Variants in RTF1 observed in about 807,000 individuals in gnomAD.
RTF1 encodes RNA polymerase-associated protein RTF1 homolog.
In RTF1, 10 loss-of-function variants were observed where a neutral mutation model predicts 95.7. The ratio of observed to expected loss-of-function variants is 0.10; its 90% CI spans 0.06 to 0.18. The LOEUF is 0.18. RTF1 is among the 10% of genes least tolerant of loss of function. RTF1 has a pLI of 1.00. For synonymous variants in RTF1, 305 were observed against 311.8 expected (o/e 0.98, Z 0.23); for missense variants, 458 against 875.6 (o/e 0.52, Z 6.02).
At chr15:41,429,118 G>T (rs1026149186) in intron 1 of RTF1, among the ~76,000 whole-genome samples, 4 of 151,720 alleles carry the variant, frequency 2.6e-5, no homozygotes, top group African/African-American at 9.7e-5. Context: ...TGGGCTCAAG[G>T]GATCCTTCCT....
At chr15:41,456,131 G>A (rs995057690) in intron 3 of RTF1, among the ~76,000 whole-genome samples, 4 of 150,812 alleles carry the variant, frequency 2.7e-5, no homozygotes, top group Admixed American at 6.7e-5. Context: ...GCTTGAACCC[G>A]AGAGGTAGAG....
chr15:41,452,727 C>G (rs1459734984), intron 2 of RTF1, among the ~76,000 whole-genome samples, 174 bp from the exon 3 acceptor site: 1 of 151,704 alleles, frequency 6.6e-6, no homozygotes, highest in African/African-American at 2.4e-5. Flanking sequence ...GAATGAGACC[C>G]TGTTTCAAAA....
Position 41,480,627 on chromosome 15 carries a change from T to C in RTF1, c.2073T>C (p.Asp691=). 1.9e-6 allele frequency: 3 copies of C among 1,611,942 alleles called. No homozygotes were observed. The highest frequency in any genetic ancestry group is 2.5e-6 in the Non-Finnish European group (3 of 1,178,982). The change falls in exon 18 of 18, where the codon GAT becomes GAC. Residue 691 remains aspartate (D), a synonymous_variant. Coordinates refer to ENST00000389629, the MANE Select transcript of RTF1 (RefSeq NM_015138.5). ...AITSKAPPAK[D]GAPRRSLNLE... ...CCTCCAAGGCTCCGCCAGCCAAGGA[T>C]GGGGCTCCAAGGAGATCTCTGAACT...
chr15:41,452,794 T>C (rs2050795372), intron 2 of RTF1, 107 bp from the exon 3 acceptor site: 1 of 886,692 alleles, frequency 1.1e-6, no homozygotes. Flanking sequence ...GTATTTGTTT[T>C]GGATTCAAAG....
chr15:41,467,895 TG>T (rs2050888547), intron 6 of RTF1, among the ~76,000 whole-genome samples: 2 of 152,044 alleles, frequency 1.3e-5, no homozygotes, highest in South Asian at 4.1e-4. Context: ...CCAGGCACGG[TG>T]GCTCACACCT....
chr15:41,428,615 C>G (rs1479947669), intron 1 of RTF1, among the ~76,000 whole-genome samples: 2 of 151,246 alleles, frequency 1.3e-5, no homozygotes, highest in Non-Finnish European at 2.9e-5. Flanking sequence ...CTCTGTTACC[C>G]AAGCTGAAGT....
chr15:41,478,470 C>G, intron 14 of RTF1, 78 bp from the exon 15 acceptor site: 6 of 927,862 alleles, frequency 6.5e-6, no homozygotes, highest in Non-Finnish European at 1.0e-5. Context: ...CGTGCAAAGA[C>G]TTATTTGCCT....
intron 1 of RTF1, among the ~76,000 whole-genome samples, chr15:41,429,734 A>C (rs2050659092): frequency 6.6e-6 from 1 of 152,102 alleles, no homozygotes; most frequent in Admixed American, 6.6e-5. Flanking sequence ...GCCTCTGTCC[A>C]GAAAACTGTA....
intron 3 of RTF1, 54 bp from the exon 4 acceptor site, chr15:41,457,618 T>C: frequency 1.3e-6 from 2 of 1,504,680 alleles, no homozygotes; most frequent in South Asian, 1.1e-5. Flanking sequence ...TGGAGCCGCT[T>C]GTGGCCTGTC....
intron 2 of RTF1, among the ~76,000 whole-genome samples, chr15:41,450,550 A>C (rs1429367404): frequency 6.6e-6 from 1 of 151,272 alleles, no homozygotes; most frequent in African/African-American, 2.4e-5. Flanking sequence ...GCACCACTGC[A>C]CTCCAGCCTG....
chr15:41,465,154 C>G (rs1421072704), intron 5 of RTF1, among the ~76,000 whole-genome samples: 1 of 150,904 alleles, frequency 6.6e-6, no homozygotes, highest in South Asian at 2.1e-4. Flanking sequence ...TCCTCCTTCC[C>G]CCTTCCCTTC....
intron 14 of RTF1, chr15:41,477,716 T>TTC (rs2050948809): frequency 1.2e-5 from 7 of 583,118 alleles, no homozygotes; most frequent in Non-Finnish European, 2.1e-5. Flanking sequence ...GTCCTACCTC[T>TTC]TCCCACCCTT....
intron 1 of RTF1, among the ~76,000 whole-genome samples, chr15:41,433,554 C>T (rs113155631): frequency 2.6e-5 from 4 of 152,232 alleles, no homozygotes; most frequent in Admixed American, 6.6e-5. Flanking sequence ...AGGCACACCT[C>T]AAGTGATATA....
intron 1 of RTF1, among the ~76,000 whole-genome samples, chr15:41,430,011 CTT>C (rs747303648): frequency 3.8e-5 from 5 of 130,004 alleles, no homozygotes; most frequent in Non-Finnish European, 3.3e-5. Context: ...TTTTTCTTTT[CTT>C]TTTTTTTTTT....
chr15:41,422,424 G>A (rs2050607139), intron 1 of RTF1, among the ~76,000 whole-genome samples: 1 of 152,040 alleles, frequency 6.6e-6, no homozygotes, highest in Admixed American at 6.6e-5. Context: ...CAAGATACTT[G>A]CTGTTGGTGC....
chr15:41,444,438 C>T (rs1020690911), intron 2 of RTF1, among the ~76,000 whole-genome samples: 2 of 151,866 alleles, frequency 1.3e-5, no homozygotes, highest in South Asian at 2.1e-4. Context: ...GGATTACAGG[C>T]GCCTGCCACC....
chr15:41,460,331 C>T (rs1187725363), intron 4 of RTF1, among the ~76,000 whole-genome samples: 3 of 152,042 alleles, frequency 2.0e-5, no homozygotes, highest in African/African-American at 7.2e-5. Context: ...CCATGTTGGC[C>T]AGGCTGGTCT....
chr15:41,434,950 G>T (rs949163166), intron 1 of RTF1, among the ~76,000 whole-genome samples: 7 of 147,862 alleles, frequency 4.7e-5, no homozygotes, highest in Non-Finnish European at 1.0e-4. Flanking sequence ...TCTTACTTTA[G>T]TTACAGTAAC....
At chr15:41,449,136 G>A (rs1243992199) in intron 2 of RTF1, among the ~76,000 whole-genome samples, 4 of 151,734 alleles carry the variant, frequency 2.6e-5, no homozygotes, top group African/African-American at 4.8e-5. Context: ...AGCCTGCCTC[G>A]GCCTCCCAAA....
Sources: gnomAD v4.1 joint callset for allele counts (sites outside exome capture counted in the v4.1 genomes callset) on GRCh38, gnomAD v4.1.1 for gene constraint, MANE v1.5 for transcripts, NCBI Gene and HGNC (gene_info 2026-07-23, HGNC 2026-07-21) for gene names.